Variants in CBFA2T2 observed in about 807,000 individuals in gnomAD.
CBFA2T2 encodes the protein protein CBFA2T2.
Under a neutral mutation model 62.2 loss-of-function variants are expected in CBFA2T2, and 11 were observed. The ratio of observed to expected loss-of-function variants is 0.18; its 90% CI spans 0.11 to 0.29. The LOEUF is 0.29. Among genes scored for constraint, CBFA2T2 ranks in the 10% least tolerant of loss-of-function variants. CBFA2T2 has a pLI of 1.00. For synonymous variants in CBFA2T2, 295 were observed against 287.5 expected (o/e 1.03, Z -0.27); for missense variants, 592 against 774.1 (o/e 0.76, Z 2.79).
chr20:33,593,811 C>G (rs914021283), intron 1 of CBFA2T2, among the ~76,000 whole-genome samples: 1 of 152,214 alleles, frequency 6.6e-6, no homozygotes, highest in South Asian at 2.1e-4. Flanking sequence ...TAAATGACCT[C>G]TTCTTGCTAC....
intron 1 of CBFA2T2, among the ~76,000 whole-genome samples, chr20:33,498,381 C>G (rs1407565530): frequency 6.6e-6 from 1 of 150,992 alleles, no homozygotes; most frequent in South Asian, 2.1e-4. Flanking sequence ...CTTCCCAAGT[C>G]GCTGGGTTTA....
intron 1 of CBFA2T2, among the ~76,000 whole-genome samples, chr20:33,582,803 G>C (rs1474629337): frequency 2.0e-5 from 3 of 152,154 alleles, no homozygotes; most frequent in Non-Finnish European, 4.4e-5. Flanking sequence ...TTAGCCAGGT[G>C]TGGTAGCACG....
intron 1 of CBFA2T2, 42 bp from the exon 2 acceptor site, chr20:33,606,908 TGCAAAC>T: frequency 6.3e-7 from 1 of 1,591,180 alleles, no homozygotes; most frequent in African/African-American, 1.3e-5. Flanking sequence ...TGTCTGTTTT[TGCAAAC>T]TTTTAGAAAA....
At chr20:33,597,190 A>T (rs1166158588) in intron 1 of CBFA2T2, among the ~76,000 whole-genome samples, 1 of 151,810 alleles carries the variant, frequency 6.6e-6, no homozygotes, top group Non-Finnish European at 1.5e-5. Flanking sequence ...CCTCAGCCTC[A>T]CAAAGTGCTG....
intron 1 of CBFA2T2, among the ~76,000 whole-genome samples, chr20:33,556,243 C>T (rs1253941626): frequency 6.6e-6 from 1 of 152,164 alleles, no homozygotes; most frequent in Non-Finnish European, 1.5e-5. Context: ...CTTTTCTTGA[C>T]CATTCCAATT....
intron 1 of CBFA2T2, among the ~76,000 whole-genome samples, chr20:33,567,815 C>G (rs780973798): frequency 2.3e-4 from 35 of 151,706 alleles, no homozygotes; most frequent in Non-Finnish European, 4.4e-4. Flanking sequence ...AACGCCTGAC[C>G]TCAGGTGATC....
Position 33,630,104 on chromosome 20 carries a change from C to T in CBFA2T2, c.1228+190C>T, listed in dbSNP as rs558433003. ...GCCCCTGGCATGTTTTGGTGGGTGGCGCAGGAAGGGGGTTTTTTTGTTTTG... is the reference window on the plus strand; with the variant it reads ...GCCCCTGGCATGTTTTGGTGGGTGGTGCAGGAAGGGGGTTTTTTTGTTTTG... On this transcript the variant is annotated intron_variant, in intron 8 of 10. Transcript: ENST00000342704. Among the ~76,000 whole-genome samples the T allele has an allele frequency of 6.1e-4, 92 of 152,012 alleles. 1 individual carries two copies. In the South Asian group the frequency reaches 0.014, roughly 24 times the overall value.
At position 33,514,206 on chromosome 20, in the gene CBFA2T2, G is replaced by GTTTTTTTT. The variant is rs1196003433; in HGVS notation, c.34+23924_34+23931dup. Among the ~76,000 whole-genome samples the GTTTTTTTT allele has an allele frequency of 1.7e-4, 9 of 53,348 alleles. 1 individual carries two copies. The highest frequency in any genetic ancestry group is 3.2e-4 in the Non-Finnish European group (9 of 28,306). The allele number at this position is 53,348 out of a possible 152,430, so 35.0% of individuals were successfully genotyped here. On this transcript the variant is annotated intron_variant, in intron 1 of 10. Transcript: ENST00000342704. ...GCGTGAGCCACCGTGCCCTGCCTTTGTTTTTTTTTTTTTTTTTTTTTTTTT... is the reference window on the plus strand; with the variant it reads ...GCGTGAGCCACCGTGCCCTGCCTTTGTTTTTTTTTTTTTTTTTTTTTTTTTTTTTTTTT...
At chr20:33,523,488 A>G (rs991881315) in intron 1 of CBFA2T2, among the ~76,000 whole-genome samples, 1 of 152,066 alleles carries the variant, frequency 6.6e-6, no homozygotes, top group Non-Finnish European at 1.5e-5. Flanking sequence ...TTATTTTTCA[A>G]AAGCATTTAA....
At chr20:33,631,923 G>A (rs188408430) in intron 8 of CBFA2T2, among the ~76,000 whole-genome samples, 3 of 152,314 alleles carry the variant, frequency 2.0e-5, no homozygotes, top group Non-Finnish European at 4.4e-5. Context: ...AATGTACTAT[G>A]CAAAATGTGA....
At chr20:33,608,435 A>G (rs2015412495) in intron 2 of CBFA2T2, among the ~76,000 whole-genome samples, 1 of 152,234 alleles carries the variant, frequency 6.6e-6, no homozygotes, top group Admixed American at 6.5e-5. Flanking sequence ...TTAAAAGGCA[A>G]GAGAAGAGAA....
chr20:33,490,388 G>T, intron 1 of CBFA2T2, 87 bp downstream of exon 1: 1 of 1,179,148 alleles, frequency 8.5e-7, no homozygotes, highest in East Asian at 3.2e-5. Context: ...TGCCCCGGGC[G>T]CGAGGCCGGG....
At chr20:33,630,622 G>C (rs1305593046) in intron 8 of CBFA2T2, among the ~76,000 whole-genome samples, 1 of 152,170 alleles carries the variant, frequency 6.6e-6, no homozygotes, top group South Asian at 2.1e-4. Context: ...GCAAACCTCA[G>C]TTATTCCCCT....
At chr20:33,626,989 A>G (rs2122346331) in intron 6 of CBFA2T2, among the ~76,000 whole-genome samples, 1 of 152,348 alleles carries the variant, frequency 6.6e-6, no homozygotes, top group Admixed American at 6.5e-5. Flanking sequence ...CAGAGACAAA[A>G]TTCAGACCCC....
At chr20:33,612,017 GGTA>G (rs1433630153) in intron 3 of CBFA2T2, among the ~76,000 whole-genome samples, 3 of 152,048 alleles carry the variant, frequency 2.0e-5, no homozygotes, top group African/African-American at 7.2e-5. Flanking sequence ...AGAGTAGAGA[GGTA>G]GCAAGTTTAA....
In CBFA2T2 at chr20:33,574,138, C is replaced by T. The variant is rs986001403; in HGVS notation, c.35-32818C>T. ...TGAGGATGGTAGTTTTTGTGGAGCA[C>T]AATCCTGACTGTACCTGTGATGTTG... On this transcript the variant is annotated intron_variant, in intron 1 of 10. Coordinates refer to ENST00000342704, the MANE Select transcript of CBFA2T2 (RefSeq NM_001032999.3). The T allele has an allele frequency of 3.1e-6, 5 of 1,596,292 alleles. No individual in the cohort carries two copies. In the African/African-American group the frequency reaches 4.0e-5, roughly 13 times the overall value.
At chr20:33,572,990 A>G (rs2146904634) in intron 1 of CBFA2T2, among the ~76,000 whole-genome samples, 1 of 152,332 alleles carries the variant, frequency 6.6e-6, no homozygotes, top group East Asian at 1.9e-4. Flanking sequence ...TATATTTTAG[A>G]GGAAGTTAAG....
intron 1 of CBFA2T2, among the ~76,000 whole-genome samples, chr20:33,498,406 C>T (rs1215491784): frequency 6.6e-6 from 1 of 151,832 alleles, no homozygotes; most frequent in East Asian, 2.0e-4. Context: ...CATGCGCCAC[C>T]ACACCTGGCT....
At chr20:33,565,949 T>C (rs1223944854) in intron 1 of CBFA2T2, among the ~76,000 whole-genome samples, 1 of 152,222 alleles carries the variant, frequency 6.6e-6, no homozygotes, top group East Asian at 1.9e-4. Flanking sequence ...AAAAATTCAG[T>C]TGGATCCGAA....
Sources: gnomAD v4.1 joint callset for allele counts (sites outside exome capture counted in the v4.1 genomes callset) on GRCh38, gnomAD v4.1.1 for gene constraint, MANE v1.5 for transcripts, NCBI Gene and HGNC (gene_info 2026-07-23, HGNC 2026-07-21) for gene names.